GRIK1: variants seen among roughly 807,000 people sequenced by gnomAD.
The protein encoded by GRIK1 is glutamate receptor ionotropic, kainate 1.
Under a neutral mutation model 105.7 loss-of-function variants are expected in GRIK1, and 69 were observed. The observed-to-expected ratio is 0.65, with a 90% CI of 0.54 to 0.80. The LOEUF is 0.80. Among genes scored for constraint, GRIK1 ranks in the 30% least tolerant of loss-of-function variants. The pLI, the probability that GRIK1 is intolerant of heterozygous loss-of-function variation, is 0.00. For missense variants in GRIK1, 1,109 were observed against 1,167.3 expected (o/e 0.95, Z 0.73); for synonymous variants, 438 against 431.3 (o/e 1.02, Z -0.19).
At chr21:29,862,680 A>G (rs879641761) in intron 1 of GRIK1, among the ~76,000 whole-genome samples, 1 of 152,208 alleles carries the variant, frequency 6.6e-6, no homozygotes, top group Non-Finnish European at 1.5e-5. Context: ...TCTTTGGTTT[A>G]CTGTAGGAAA....
chr21:29,801,981 T>C (rs1362852485), intron 1 of GRIK1, among the ~76,000 whole-genome samples: 2 of 152,008 alleles, frequency 1.3e-5, no homozygotes, highest in Admixed American at 1.3e-4. Context: ...AATTCAGAGG[T>C]GCAAGAAATT....
At chr21:29,782,867 T>C (rs150521796) in intron 1 of GRIK1, among the ~76,000 whole-genome samples, 9 of 152,314 alleles carry the variant, frequency 5.9e-5, no homozygotes, top group African/African-American at 2.2e-4. Flanking sequence ...TTTCACTATG[T>C]AAACAATGCT....
At chr21:29,558,323 T>G (rs540130493) in intron 15 of GRIK1, among the ~76,000 whole-genome samples, 1 of 151,218 alleles carries the variant, frequency 6.6e-6, no homozygotes, top group Non-Finnish European at 1.5e-5. Flanking sequence ...TAAATGACAT[T>G]GGAAGTTATT....
intron 1 of GRIK1, among the ~76,000 whole-genome samples, chr21:29,727,261 G>T (rs1342748097): frequency 6.6e-6 from 1 of 152,114 alleles, no homozygotes; most frequent in Non-Finnish European, 1.5e-5. Context: ...CAAAGGATAG[G>T]AACATATTTT....
intron 2 of GRIK1, among the ~76,000 whole-genome samples, chr21:29,690,985 G>C (rs1259487764): frequency 6.6e-6 from 1 of 151,948 alleles, no homozygotes; most frequent in Admixed American, 6.6e-5. Flanking sequence ...CTGTAGAATA[G>C]ACCATTTCAT....
chr21:29,623,699 T>G (rs2062058962), intron 7 of GRIK1, among the ~76,000 whole-genome samples: 1 of 152,216 alleles, frequency 6.6e-6, no homozygotes, highest in African/African-American at 2.4e-5. Flanking sequence ...TTTCATAAGC[T>G]ATAATTAATT....
chr21:29,712,083 T>TACACACAC (rs56017389), intron 1 of GRIK1, among the ~76,000 whole-genome samples: 46,082 of 134,800 alleles, frequency 0.34, 9,301 homozygotes, highest in East Asian at 0.5. Context: ...TATACATACA[T>TACACACAC]ACACACACAC....
intron 7 of GRIK1, among the ~76,000 whole-genome samples, chr21:29,612,820 C>T (rs1162417065): frequency 6.6e-6 from 1 of 152,162 alleles, no homozygotes; most frequent in African/African-American, 2.4e-5. Context: ...CATTGATTTT[C>T]ACATATTGTT....
intron 14 of GRIK1, among the ~76,000 whole-genome samples, chr21:29,570,970 C>A (rs1311930242): frequency 6.6e-6 from 1 of 151,914 alleles, no homozygotes; most frequent in Non-Finnish European, 1.5e-5. Flanking sequence ...CCTTGATGAG[C>A]AATGTTGCTC....
At chr21:29,711,357 A>G (rs1382533028) in intron 1 of GRIK1, among the ~76,000 whole-genome samples, 3 of 152,234 alleles carry the variant, frequency 2.0e-5, no homozygotes, top group East Asian at 1.9e-4. Flanking sequence ...GCCTAGGAGC[A>G]GTAGGCTATA....
chr21:29,578,363 T>C (rs2090944309), intron 13 of GRIK1, among the ~76,000 whole-genome samples: 1 of 152,186 alleles, frequency 6.6e-6, no homozygotes, highest in African/African-American at 2.4e-5. Context: ...CTGTCGTTAA[T>C]AATGGCTTAA....
chr21:29,591,573 G>T (rs943630891), intron 9 of GRIK1, among the ~76,000 whole-genome samples: 1 of 151,986 alleles, frequency 6.6e-6, no homozygotes, highest in African/African-American at 2.4e-5. Flanking sequence ...TATGTGCCAG[G>T]CACTGCTCTA....
At chr21:29,762,798 A>C (rs1472272204) in intron 1 of GRIK1, among the ~76,000 whole-genome samples, 1 of 152,166 alleles carries the variant, frequency 6.6e-6, no homozygotes, top group African/African-American at 2.4e-5. Context: ...AATTTTCTTT[A>C]GGTGTCATTT....
intron 14 of GRIK1, among the ~76,000 whole-genome samples, chr21:29,576,653 T>C (rs1262189572): frequency 1.3e-5 from 2 of 151,906 alleles, no homozygotes; most frequent in Non-Finnish European, 2.9e-5. Context: ...AGTGGTTAGA[T>C]TGTATTCAGA....
intron 1 of GRIK1, among the ~76,000 whole-genome samples, chr21:29,756,436 C>T (rs186174630): frequency 6.6e-6 from 1 of 152,134 alleles, no homozygotes; most frequent in African/African-American, 2.4e-5. Flanking sequence ...TCAGCTAATG[C>T]CACATGGTAA....
intron 1 of GRIK1, among the ~76,000 whole-genome samples, chr21:29,728,786 A>G (rs1485833163): frequency 2.0e-5 from 3 of 152,204 alleles, no homozygotes; most frequent in Non-Finnish European, 4.4e-5. Flanking sequence ...AGATAAAACA[A>G]TAAACAGAAT....
At chr21:29,660,561 T>C (rs1335541408) in intron 4 of GRIK1, among the ~76,000 whole-genome samples, 1 of 152,230 alleles carries the variant, frequency 6.6e-6, no homozygotes, top group Non-Finnish European at 1.5e-5. Context: ...GAAATCCATA[T>C]GCCACACATA....
chr21:29,840,887 A>G (rs2067960397), intron 1 of GRIK1, among the ~76,000 whole-genome samples: 1 of 152,158 alleles, frequency 6.6e-6, no homozygotes, highest in Admixed American at 6.5e-5. Flanking sequence ...CAGCTGGGAA[A>G]AAAACATAAA....
chr21:29,747,730 G>A (rs1292440373), intron 1 of GRIK1, among the ~76,000 whole-genome samples: 1 of 152,190 alleles, frequency 6.6e-6, no homozygotes, highest in Non-Finnish European at 1.5e-5. Context: ...TCGGGAGGCT[G>A]AGGCAGGAGA....
Sources: gnomAD v4.1 joint callset for allele counts (sites outside exome capture counted in the v4.1 genomes callset) on GRCh38, gnomAD v4.1.1 for gene constraint, MANE v1.5 for transcripts, NCBI Gene and HGNC (gene_info 2026-07-23, HGNC 2026-07-21) for gene names.